The following MACC1 variants were observed in gnomAD, a reference collection of about 807,000 sequenced individuals.
MACC1 encodes the protein MET transcriptional regulator MACC1, also known as metastasis-associated in colon cancer protein 1.
A neutral mutation model predicts 70.7 loss-of-function variants in MACC1; 79 were observed. The observed-to-expected ratio is 1.12, with a 90% CI of 0.93 to 1.35. MACC1 has a LOEUF of 1.35. MACC1 is among the 40% of genes most tolerant of loss of function. The pLI, the probability that MACC1 is intolerant of heterozygous loss-of-function variation, is 0.00. For synonymous variants in MACC1, 361 were observed against 347.2 expected, an observed-to-expected ratio of 1.04 and a Z score of -0.44; for missense variants, 1,106 against 978.1, an observed-to-expected ratio of 1.13 and a Z score of -1.74.
intron 1 of MACC1, among the ~76,000 whole-genome samples, chr7:20,172,671 A>C (rs117254126): frequency 6.6e-6 from 1 of 152,224 alleles, no homozygotes; most frequent in Non-Finnish European, 1.5e-5. Flanking sequence ...AGAATTGTCC[A>C]TCACTGTCAT....
intron 1 of MACC1, among the ~76,000 whole-genome samples, chr7:20,194,745 A>C (rs1157607914): frequency 1.3e-5 from 2 of 152,242 alleles, no homozygotes; most frequent in African/African-American, 4.8e-5. Flanking sequence ...GTTTCCATTA[A>C]AAGCCATCTC....
In MACC1 at chr7:20,140,844, C is replaced by G; in HGVS notation, c.*102G>C. The G allele has an allele frequency of 1.3e-6, 1 of 797,520 alleles. No homozygotes were observed. The highest frequency in any genetic ancestry group is 2.0e-6 in the Non-Finnish European group (1 of 497,372). 49.4% of individuals were successfully genotyped at this position (797,520 alleles called of 1,614,324 possible). On this transcript the variant is annotated 3_prime_UTR_variant, in exon 7 of 7. Transcript: ENST00000400331. Reference sequence around the variant, plus strand: ...ACACACAGACACACACACACAGACACACACACACAGACACACAGAGACACA... The same window carrying G: ...ACACACAGACACACACACACAGACAGACACACACAGACACACAGAGACACA...
At chr7:20,148,521 G>A (rs1286494834) in intron 6 of MACC1, among the ~76,000 whole-genome samples, 2 of 152,108 alleles carry the variant, frequency 1.3e-5, no homozygotes, top group Non-Finnish European at 1.5e-5. Flanking sequence ...AAATTAAATA[G>A]TGTCTTTAAA....
intron 1 of MACC1, chr7:20,185,194 A>C (rs1455675335): frequency 6.6e-6 from 1 of 152,214 alleles, no homozygotes; most frequent in African/African-American, 2.4e-5. Flanking sequence ...ACACTTTGCT[A>C]TCATAAGAAC....
chr7:20,164,155 T>G (rs1236187369), intron 3 of MACC1, 101 bp downstream of exon 3: 1 of 152,346 alleles, frequency 6.6e-6, no homozygotes, highest in Non-Finnish European at 1.5e-5. Context: ...CAGGCTGGTC[T>G]CGAACTCCTG....
In MACC1 at chr7:20,161,771, AG is replaced by A. The variant is rs1327293877; in HGVS notation, c.91del (p.Leu31SerfsTer51). 6.2e-7 allele frequency: 1 copy of A among 1,611,366 alleles called. No individual in the cohort carries two copies. Among genetic ancestry groups the A allele is most frequent in the East Asian group, 2.2e-5 (1 of 44,726 alleles). On this transcript the variant is annotated frameshift_variant, in exon 4 of 7. Transcript: ENST00000400331. LOFTEE classifies it high-confidence loss of function. ...ANLIDMEAGK[L>X]SKSCNITECQ... ...ACCTGTAATATTGCAACTTTTTGAGAGTTTTCCAGCTTCCATGTCAATCAAA... is the reference window on the plus strand; with the variant it reads ...ACCTGTAATATTGCAACTTTTTGAGATTTTCCAGCTTCCATGTCAATCAAA...
In MACC1 at chr7:20,158,803, A is replaced by G; in HGVS notation, c.1558T>C (p.Tyr520His). The G allele has an allele frequency of 6.2e-7, 1 of 1,614,162 alleles. No homozygotes were observed. The highest frequency in any genetic ancestry group is 1.1e-5 in the South Asian group (1 of 91,082). ...TTGATTTCCTCCTTCTTCTGCAAAT[A>G]GCCTGGCAGATTCGAGAGTCTTTTT... ...NLKRLSNLPGYLQKKEEIKSA... is the reference protein window; with the variant it reads ...NLKRLSNLPGHLQKKEEIKSA... Residue 520 changes from tyrosine (Y) to histidine (H), a missense_variant, in exon 5 of 7, where the codon TAT (tyrosine) becomes CAT (histidine). Tyr to His is a moderately conservative substitution (Grantham distance 83, BLOSUM62 2). Transcript: ENST00000400331.
intron 1 of MACC1, among the ~76,000 whole-genome samples, chr7:20,212,039 G>T (rs1018487608): frequency 6.6e-6 from 1 of 152,048 alleles, no homozygotes; most frequent in Non-Finnish European, 1.5e-5. Flanking sequence ...GCAGTGGAAA[G>T]AATAAAAGCA....
At position 20,137,586 on chromosome 7, in the gene MACC1, T is replaced by C. The variant is rs747801317; in HGVS notation, c.*3360A>G. Reference sequence around the variant, plus strand: ...AAAGCCTGAGGAACTGAAAGAACCATGTAAACATTTTCTGCTTTCAAAATG... The same window carrying C: ...AAAGCCTGAGGAACTGAAAGAACCACGTAAACATTTTCTGCTTTCAAAATG... On this transcript the variant is annotated 3_prime_UTR_variant, in exon 7 of 7. Transcript: ENST00000400331. 25 of 152,220 alleles carry C rather than the reference T, an allele frequency of 1.6e-4. No homozygotes were observed. The highest frequency in any genetic ancestry group is 3.5e-4 in the Non-Finnish European group (24 of 68,030). The allele number at this position is 152,220 out of a possible 1,614,324, so 9.4% of individuals were successfully genotyped here. A position where few individuals can be genotyped will look rare whatever the true frequency, so the allele number is the denominator to read the frequency against.
In MACC1 at chr7:20,143,379, T is replaced by C. The variant is rs140892833; in HGVS notation, c.2347-2221A>G. 6.5e-3 allele frequency among the ~76,000 whole-genome samples: 992 copies of C among 152,266 alleles called. 14 individuals are homozygous for C. Among genetic ancestry groups the C allele is most frequent in the African/African-American group, 0.023 (942 of 41,558 alleles). On this transcript the variant is annotated intron_variant, in intron 6 of 6. Transcript: ENST00000400331. ...CTCACATTTGGCAATTTGTTGTTGTTGTTGTTGCTTTGCTTTGTTTTGTTT... is the reference window on the plus strand; with the variant it reads ...CTCACATTTGGCAATTTGTTGTTGTCGTTGTTGCTTTGCTTTGTTTTGTTT...
intron 1 of MACC1, among the ~76,000 whole-genome samples, chr7:20,182,238 G>A (rs1363756829): frequency 6.6e-6 from 1 of 151,770 alleles, no homozygotes; most frequent in African/African-American, 2.4e-5. Context: ...TATACCTAAT[G>A]TTAAATGACG....
Position 20,172,888 on chromosome 7 carries a change from A to T in MACC1, c.-217-2110T>A, listed in dbSNP as rs143081653. On this transcript the variant is annotated intron_variant, in intron 1 of 6. Coordinates refer to ENST00000400331, the MANE Select transcript of MACC1 (RefSeq NM_182762.4). ...GGAAGCTAGTGGGTTCCTTGTGATC[A>T]GCTGGGGAGACGGGAAAAAGCCTCA... Among the ~76,000 whole-genome samples the T allele has an allele frequency of 2.6e-4, 40 of 152,322 alleles. 3 individuals carry two copies. Among genetic ancestry groups the T allele is most frequent in the African/African-American group, 8.7e-4 (36 of 41,566 alleles).
chr7:20,142,474 T>A (rs1181096928), intron 6 of MACC1, among the ~76,000 whole-genome samples: 1 of 152,168 alleles, frequency 6.6e-6, no homozygotes, highest in African/African-American at 2.4e-5. Context: ...CAGCATATGG[T>A]GCAGCAACAA....
intron 1 of MACC1, among the ~76,000 whole-genome samples, chr7:20,191,592 C>T (rs770321748): frequency 3.9e-5 from 6 of 152,094 alleles, no homozygotes; most frequent in Admixed American, 2.0e-4. Context: ...AGTCGCACTA[C>T]GGGCACTGAA....
chr7:20,148,303 C>G (rs184807034), intron 6 of MACC1, among the ~76,000 whole-genome samples: 1 of 152,284 alleles, frequency 6.6e-6, no homozygotes, highest in Admixed American at 6.5e-5. Context: ...AACAAAATCA[C>G]AGTCAACTAT....
chr7:20,141,030 C>A lies in MACC1; in HGVS notation c.2475G>T (p.Trp825Cys). The stretch of plus-strand genomic sequence containing the variant: ...GTATTAAAACTCCAGTTAATTCTCT[C>A]CAGTGTTTAGTCACAGGGTTTTTCA... ...DRMKNPVTKH[W>C]RELTGVLILV... Residue 825 changes from tryptophan (W) to cysteine (C), a missense_variant, in exon 7 of 7, where the codon TGG (tryptophan) becomes TGT (cysteine). By Grantham distance (215) the Trp-to-Cys change is radical. Transcript: ENST00000400331. 1 of 1,614,096 alleles carries A rather than the reference C, an allele frequency of 6.2e-7. No homozygotes were observed. The highest frequency in any genetic ancestry group is 8.5e-7 in the Non-Finnish European group (1 of 1,179,980).
intron 1 of MACC1, among the ~76,000 whole-genome samples, chr7:20,215,046 C>T (rs1277518388): frequency 6.6e-6 from 1 of 151,934 alleles, no homozygotes; most frequent in African/African-American, 2.4e-5. Context: ...AGTCACTCCA[C>T]TCTGCTTCTG....
chr7:20,179,196 T>A (rs899011103), intron 1 of MACC1, among the ~76,000 whole-genome samples: 1 of 152,016 alleles, frequency 6.6e-6, no homozygotes, highest in African/African-American at 2.4e-5. Flanking sequence ...TCATCAGTGC[T>A]TTTTCTTTTC....
rs1481663514 is a variant in MACC1, at chr7:20,136,662, G to A, written c.*4284C>T. 1 of 151,914 alleles carries A rather than the reference G, an allele frequency of 6.6e-6. No homozygotes were observed. Among genetic ancestry groups the A allele is most frequent in the Non-Finnish European group, 1.5e-5 (1 of 67,986 alleles). The allele number at this position is 151,914 out of a possible 1,614,324, so 9.4% of individuals were successfully genotyped here. ...ACATGCCATTTGATTCTGAAAAAAT[G>A]TCTTTGGATTATCCCACCAATCATA... On this transcript the variant is annotated 3_prime_UTR_variant, in exon 7 of 7. Transcript: ENST00000400331.
Sources: gnomAD v4.1 joint callset for allele counts (sites outside exome capture counted in the v4.1 genomes callset) on GRCh38, gnomAD v4.1.1 for gene constraint, MANE v1.5 for transcripts, NCBI Gene and HGNC (gene_info 2026-07-23, HGNC 2026-07-21) for gene names.